Variants in CDKAL1 observed in about 807,000 individuals in gnomAD.
CDKAL1 encodes the protein CDKAL1 threonylcarbamoyladenosine tRNA methylthiotransferase.
In CDKAL1, 32 loss-of-function variants were observed where a neutral mutation model predicts 68.2. The ratio of observed to expected loss-of-function variants is 0.47; its 90% CI spans 0.35 to 0.63. The LOEUF is 0.63. Ranked by LOEUF, CDKAL1 falls within the 30% of genes least tolerant of loss-of-function variation. The pLI, the probability that CDKAL1 is intolerant of heterozygous loss-of-function variation, is 0.00. For synonymous variants in CDKAL1, 234 were observed against 244.3 expected (o/e 0.96, Z 0.39); for missense variants, 606 against 696.7 (o/e 0.87, Z 1.47).
At chr6:20,782,840 A>G (rs1337248510) in intron 8 of CDKAL1, among the ~76,000 whole-genome samples, 1 of 152,220 alleles carries the variant, frequency 6.6e-6, no homozygotes, top group Non-Finnish European at 1.5e-5. Context: ...GGACTATGCT[A>G]AATTATCATC....
chr6:20,978,036 AC>A (rs1286057264), intron 10 of CDKAL1, among the ~76,000 whole-genome samples: 1 of 152,238 alleles, frequency 6.6e-6, no homozygotes, highest in Non-Finnish European at 1.5e-5. Flanking sequence ...AAAATTTGAT[AC>A]TACTCAAATT....
chr6:21,230,350 C>T (rs1164087071), intron 15 of CDKAL1, among the ~76,000 whole-genome samples: 2 of 152,122 alleles, frequency 1.3e-5, no homozygotes, highest in South Asian at 2.1e-4. Flanking sequence ...TTAGTGGAGA[C>T]GGGGTTTCAC....
intron 12 of CDKAL1, among the ~76,000 whole-genome samples, chr6:21,084,038 T>C (rs1284342850): frequency 1.3e-5 from 2 of 152,204 alleles, no homozygotes; most frequent in Non-Finnish European, 2.9e-5. Flanking sequence ...TACGTAGTTA[T>C]CTGTTTTTGG....
chr6:21,061,186 A>G (rs960933294), intron 11 of CDKAL1, among the ~76,000 whole-genome samples: 1 of 152,266 alleles, frequency 6.6e-6, no homozygotes, highest in East Asian at 1.9e-4. Flanking sequence ...ATATATCTTT[A>G]CAAGTAATCA....
chr6:20,693,742 T>TA (rs1196469596), intron 5 of CDKAL1, among the ~76,000 whole-genome samples: 1 of 151,986 alleles, frequency 6.6e-6, no homozygotes, highest in African/African-American at 2.4e-5. Flanking sequence ...ACTGAAGTAA[T>TA]ACTAAAAGCT....
chr6:21,206,001 A>AT (rs199926964), intron 15 of CDKAL1, among the ~76,000 whole-genome samples: 131 of 139,782 alleles, frequency 9.4e-4, no homozygotes, highest in South Asian at 1.6e-3. Context: ...CGCCCGGCTA[A>AT]TTTTTTTTTT....
rs1264223534 is a variant in CDKAL1 at position 20,724,554 on chromosome 6, TAAAAA to T, written c.372-14963_372-14959del. Among the ~76,000 whole-genome samples, 4 of 151,584 alleles carry T rather than the reference TAAAAA, an allele frequency of 2.6e-5. No homozygotes were observed. The East Asian group carries it at 7.8e-4, about 29-fold the overall frequency. On this transcript the variant is annotated intron_variant, in intron 5 of 15. Coordinates refer to ENST00000274695, the MANE Select transcript of CDKAL1 (RefSeq NM_017774.3). ...CAACATGGTGAAACCCGTCTCTACT[TAAAAA>T]AGAAAAAAAAAGCTGAGAGTGGAGG... is the stretch of plus-strand genomic sequence containing the variant.
chr6:20,620,998 A>G (rs1313593052), intron 4 of CDKAL1, among the ~76,000 whole-genome samples: 1 of 151,994 alleles, frequency 6.6e-6, no homozygotes, highest in African/African-American at 2.4e-5. Context: ...TTTACTTGTC[A>G]TGTCTCCTTA....
chr6:20,769,478 C>T (rs776769444), intron 7 of CDKAL1, among the ~76,000 whole-genome samples: 1 of 151,796 alleles, frequency 6.6e-6, no homozygotes, highest in African/African-American at 2.4e-5. Context: ...AGGCTGGTCT[C>T]GAACTCCTTG....
At chr6:21,117,792 A>T (rs905839967) in intron 13 of CDKAL1, among the ~76,000 whole-genome samples, 1 of 152,176 alleles carries the variant, frequency 6.6e-6, no homozygotes, top group African/African-American at 2.4e-5. Context: ...TGAAATACAA[A>T]ATGATTGTAA....
chr6:20,817,747 T>A (rs1777105095), intron 8 of CDKAL1, among the ~76,000 whole-genome samples: 1 of 152,182 alleles, frequency 6.6e-6, no homozygotes, highest in Non-Finnish European at 1.5e-5. Context: ...GTCTTCTACC[T>A]CCGGCAAGCA....
At chr6:20,690,476 G>T (rs1433835985) in intron 5 of CDKAL1, among the ~76,000 whole-genome samples, 2 of 152,124 alleles carry the variant, frequency 1.3e-5, no homozygotes, top group Admixed American at 1.3e-4. Flanking sequence ...CTAGAGAAGA[G>T]ATATCCATTA....
At chr6:20,749,865 T>A (rs1436673483) in intron 6 of CDKAL1, among the ~76,000 whole-genome samples, 1 of 151,662 alleles carries the variant, frequency 6.6e-6, no homozygotes, top group African/African-American at 2.4e-5. Context: ...TCTTTTTCTT[T>A]TCCTTTTTTG....
chr6:21,048,031 C>T (rs759738282), intron 11 of CDKAL1, among the ~76,000 whole-genome samples: 24 of 152,192 alleles, frequency 1.6e-4, no homozygotes, highest in Admixed American at 3.3e-4. Flanking sequence ...TATGTACCCA[C>T]TGGCCCTCAA....
chr6:20,803,949 G>A (rs1188079615), intron 8 of CDKAL1, among the ~76,000 whole-genome samples: 4 of 151,890 alleles, frequency 2.6e-5, no homozygotes, highest in Admixed American at 2.6e-4. Context: ...TGTTGACAAG[G>A]GTGGATGAAT....
chr6:21,231,876 G>A lies in CDKAL1; in HGVS notation c.*837G>A, dbSNP rs549432904. 5 of 152,228 alleles carry A rather than the reference G, an allele frequency of 3.3e-5. No homozygotes were observed. Among genetic ancestry groups the A allele is most frequent in the South Asian group, 2.1e-4 (1 of 4,814 alleles). The allele number at this position is 152,228 out of a possible 1,614,324, so 9.4% of individuals were successfully genotyped here. On this transcript the variant is annotated 3_prime_UTR_variant, in exon 16 of 16. Coordinates refer to ENST00000274695, the MANE Select transcript of CDKAL1 (RefSeq NM_017774.3). Reference sequence around the variant, plus strand: ...GAACCTGAATGCTTTTGGAATGCACGGGGAGAGTCTGCCAGCTAAAGGACT... The same window carrying A: ...GAACCTGAATGCTTTTGGAATGCACAGGGAGAGTCTGCCAGCTAAAGGACT...
intron 9 of CDKAL1, among the ~76,000 whole-genome samples, chr6:20,853,846 G>T (rs937335744): frequency 1.3e-5 from 2 of 152,200 alleles, no homozygotes; most frequent in Admixed American, 6.5e-5. Flanking sequence ...GTGAGAAGGA[G>T]TCTGAGGAAA....
At chr6:20,700,529 C>T (rs1333013363) in intron 5 of CDKAL1, among the ~76,000 whole-genome samples, 2 of 151,940 alleles carry the variant, frequency 1.3e-5, no homozygotes, top group African/African-American at 4.8e-5. Flanking sequence ...TAAATAATTA[C>T]AGGCCTGGGC....
chr6:20,552,603 A>G (rs766937679), intron 4 of CDKAL1, among the ~76,000 whole-genome samples: 1 of 126,310 alleles, frequency 7.9e-6, no homozygotes, highest in Non-Finnish European at 1.6e-5. Context: ...TAAGGAAGTA[A>G]TTACTTGAAT....
Sources: gnomAD v4.1 joint callset for allele counts (sites outside exome capture counted in the v4.1 genomes callset) on GRCh38, gnomAD v4.1.1 for gene constraint, MANE v1.5 for transcripts, NCBI Gene and HGNC (gene_info 2026-07-23, HGNC 2026-07-21) for gene names.